Variants in MUCL1 observed in about 807,000 individuals in gnomAD.
MUCL1 encodes the protein mucin-like protein 1.
MUCL1 carries 11 observed loss-of-function variants against 9.2 expected under a neutral mutation model. That is an observed-to-expected ratio of 1.19 (90% confidence interval 0.75 to 1.97). The LOEUF (loss-of-function observed/expected upper bound fraction) is 1.97. MUCL1 is among the 30% of genes most tolerant of loss of function. The probability of loss-of-function intolerance (pLI) is 0.00; values close to 1 mark genes in which losing one functional copy is unlikely to be tolerated. For missense variants in MUCL1, 144 were observed against 110.9 expected, an observed-to-expected ratio of 1.30 and a Z score of -1.34; for synonymous variants, 48 against 40.5, an observed-to-expected ratio of 1.19 and a Z score of -0.71.
upstream of MUCL1, chr12:54,854,500 G>A: frequency 1.9e-6 from 2 of 1,056,862 alleles, no homozygotes; most frequent in East Asian, 2.4e-5. Flanking sequence ...TTGTCAGGAT[G>A]TGGAATCCTG....
At chr12:54,848,018 T>A (rs1023071319) in intron 1 of MUCL1, among the ~76,000 whole-genome samples, 1 of 123,774 alleles carries the variant, frequency 8.1e-6, no homozygotes, top group African/African-American at 3.0e-5. Context: ...CTTCCCTTCA[T>A]CTCAATTCTT....
chr12:54,856,302 A>T (rs1031072095), intron 2 of MUCL1, among the ~76,000 whole-genome samples: 1 of 152,112 alleles, frequency 6.6e-6, no homozygotes, highest in African/African-American at 2.4e-5. Context: ...CTAAGATGAG[A>T]TACGTCTTCT....
intron 1 of MUCL1, among the ~76,000 whole-genome samples, chr12:54,840,132 C>G (rs1049178760): frequency 1.3e-5 from 2 of 152,150 alleles, no homozygotes; most frequent in African/African-American, 4.8e-5. Flanking sequence ...CAGGCTGGTG[C>G]TAAGGAATGT....
intron 1 of MUCL1, among the ~76,000 whole-genome samples, chr12:54,831,532 A>G (rs1213585681): frequency 6.6e-6 from 1 of 152,090 alleles, no homozygotes; most frequent in Non-Finnish European, 1.5e-5. Context: ...ATGATGACTA[A>G]CTTTGCTTAA....
chr12:54,848,535 CT>C (rs1959289483), intron 1 of MUCL1, among the ~76,000 whole-genome samples: 1 of 152,042 alleles, frequency 6.6e-6, no homozygotes, highest in Non-Finnish European at 1.5e-5. Context: ...GATTGGAAAA[CT>C]TTTTTATTTT....
chr12:54,841,061 T>C (rs2085130), intron 1 of MUCL1, among the ~76,000 whole-genome samples: 144,541 of 152,286 alleles, frequency 0.95, 68,667 homozygotes, highest in East Asian at 1. Context: ...TTTAAGCTTC[T>C]ACATGTAAGT....
Position 54,854,580 on chromosome 12 carries a change from A to G in MUCL1, c.-3A>G, listed in dbSNP as rs758759737. The G allele has an allele frequency of 1.9e-6, 3 of 1,612,572 alleles. No individual in the cohort carries two copies. Among genetic ancestry groups the G allele is most frequent in the Admixed American group, 1.7e-5 (1 of 59,870 alleles). ...TGTGCTCCCTGATCTTCAGGTCACCACCATGAAGTTCTTAGCAGTCCTGGT... is the reference window on the plus strand; with the variant it reads ...TGTGCTCCCTGATCTTCAGGTCACCGCCATGAAGTTCTTAGCAGTCCTGGT... On this transcript the variant is annotated 5_prime_UTR_variant, in exon 1 of 4. Transcript: ENST00000308796.
chr12:54,855,159 T>C lies in MUCL1; in HGVS notation c.100+2T>C, dbSNP rs745328843. 1 of 1,613,088 alleles carries C rather than the reference T, an allele frequency of 6.2e-7. No individual in the cohort carries two copies. The highest frequency in any genetic ancestry group is 1.1e-5 in the South Asian group (1 of 91,052). On this transcript the variant is annotated splice_donor_variant, in intron 2 of 3. Transcript: ENST00000308796. LOFTEE classifies it high-confidence loss of function. The stretch of plus-strand genomic sequence containing the variant: ...CTCCAGCTGACACGTATCCAGCTAG[T>C]GAGTCTGCACTTGAATGTCATCTCT...
chr12:54,839,223 A>G, upstream of MUCL1: 3 of 603,768 alleles, frequency 5.0e-6, no homozygotes, highest in Non-Finnish European at 8.9e-6. Flanking sequence ...GAGTCTTTGT[A>G]TAGTGGCTTA....
At chr12:54,842,501 G>T (rs1438722199) in intron 1 of MUCL1, among the ~76,000 whole-genome samples, 1 of 151,730 alleles carries the variant, frequency 6.6e-6, no homozygotes, top group Non-Finnish European at 1.5e-5. Context: ...ATCTTTTTTT[G>T]TAATGAGAAC....
upstream of MUCL1, among the ~76,000 whole-genome samples, chr12:54,851,457 AACC>A (rs1959338703): frequency 6.6e-6 from 1 of 152,214 alleles, no homozygotes. Flanking sequence ...AAAATTCAAC[AACC>A]CTTCGTGCTA....
intron 1 of MUCL1, among the ~76,000 whole-genome samples, chr12:54,840,632 G>T (rs1304704434): frequency 6.6e-6 from 1 of 152,188 alleles, no homozygotes; most frequent in Non-Finnish European, 1.5e-5. Flanking sequence ...GAGGGGAAAA[G>T]CCAGGTTATG....
upstream of MUCL1, among the ~76,000 whole-genome samples, chr12:54,852,511 A>G (rs1186753344): frequency 6.6e-6 from 1 of 152,262 alleles, no homozygotes; most frequent in African/African-American, 2.4e-5. Flanking sequence ...TTCATTCAAG[A>G]TGAAAAACTA....
intron 1 of MUCL1, among the ~76,000 whole-genome samples, chr12:54,847,811 G>A (rs538776723): frequency 6.6e-6 from 1 of 152,286 alleles, no homozygotes; most frequent in South Asian, 2.1e-4. Context: ...AATAAAGTAT[G>A]ACAGAAGTTA....
chr12:54,837,477 C>A (rs1203486124), upstream of MUCL1, among the ~76,000 whole-genome samples: 7 of 151,966 alleles, frequency 4.6e-5, no homozygotes, highest in South Asian at 2.1e-4. Flanking sequence ...CTATAAGAAT[C>A]CTTATGGGCT....
chr12:54,848,962 C>T (rs1959296135), intron 1 of MUCL1, among the ~76,000 whole-genome samples: 1 of 152,098 alleles, frequency 6.6e-6, no homozygotes, highest in African/African-American at 2.4e-5. Context: ...ATATCAGTGG[C>T]TTCATGATTT....
At chr12:54,847,095 C>A (rs1959267979) in intron 1 of MUCL1, among the ~76,000 whole-genome samples, 1 of 152,138 alleles carries the variant, frequency 6.6e-6, no homozygotes. Flanking sequence ...AAAAGCCATC[C>A]ATTTTCATCT....
chr12:54,855,089 T>C (rs369992882), intron 1 of MUCL1, 27 bp from the exon 2 acceptor site: 210 of 1,609,602 alleles, frequency 1.3e-4, no homozygotes, highest in Non-Finnish European at 1.7e-4. Context: ...TCAGCTAACA[T>C]CTTAATTTTT....
intron 1 of MUCL1, among the ~76,000 whole-genome samples, chr12:54,843,889 G>C (rs892042591): frequency 6.6e-6 from 1 of 152,082 alleles, no homozygotes; most frequent in Non-Finnish European, 1.5e-5. Flanking sequence ...GTGGTAATTT[G>C]TTATGCAGAA....
Sources: allele counts gnomAD v4.1 joint callset (sites outside exome capture counted in the v4.1 genomes callset), GRCh38; gene constraint gnomAD v4.1.1; transcripts MANE v1.5; gene names NCBI Gene and HGNC (gene_info 2026-07-23, HGNC 2026-07-21).